GAK: variants seen among roughly 807,000 people sequenced by gnomAD.
The protein encoded by GAK is cyclin G associated kinase.
Under a neutral mutation model 143.9 loss-of-function variants are expected in GAK, and 79 were observed. The ratio of observed to expected loss-of-function variants is 0.55; its 90% CI spans 0.46 to 0.66. The LOEUF (loss-of-function observed/expected upper bound fraction) is 0.66, where lower values mean the gene tolerates loss of function less well. Ranked by LOEUF, GAK falls within the 30% of genes least tolerant of loss-of-function variation. GAK has a pLI of 0.00. For missense variants in GAK, 1,693 were observed against 1,779.7 expected (o/e 0.95, Z 0.88); for synonymous variants, 881 against 765.5 (o/e 1.15, Z -2.49).
Position 867,225 on chromosome 4 carries a change from G to A in GAK, c.2603C>T (p.Pro868Leu), listed in dbSNP as rs769143099. 6.1e-5 allele frequency: 99 copies of A among 1,612,554 alleles called. No homozygotes were observed. The highest frequency in any genetic ancestry group is 5.4e-4 in the South Asian group (49 of 90,872). ...QQDLVFEVET[P>L]AVLPEPVPQE... The stretch of plus-strand genomic sequence containing the variant: ...TGGCACAGGCTCTGGCAGCACAGCC[G>A]GTGTCTCCACCTCAAAAACCAAGTC... The change falls in exon 21 of 28, where the codon CCG becomes CTG. Residue 868 changes from proline to leucine, a missense_variant. Around this residue, in one of 2 missense-constraint regions of GAK, gnomAD observed 822 missense variants for 788.7 expected, o/e 1.04. Coordinates refer to ENST00000314167, the MANE Select transcript of GAK (RefSeq NM_005255.4).
At chr4:856,501 A>G (rs1381360868) in intron 24 of GAK, among the ~76,000 whole-genome samples, 1 of 106,456 alleles carries the variant, frequency 9.4e-6, no homozygotes, top group Non-Finnish European at 1.9e-5. Flanking sequence ...ACACCTACTC[A>G]CCACCACAGC....
At chr4:850,199 C>G in intron 26 of GAK, 131 bp from the exon 27 acceptor site, 1 of 821,360 alleles carries the variant, frequency 1.2e-6, no homozygotes, top group Non-Finnish European at 1.9e-6. Flanking sequence ...CTCACAGACA[C>G]TGTCCCACTG....
At chr4:890,946 ATTTTT>A (rs35262185) in intron 9 of GAK, among the ~76,000 whole-genome samples, 1 of 131,996 alleles carries the variant, frequency 7.6e-6, no homozygotes, top group Admixed American at 7.6e-5. Context: ...TCCAACCAAC[ATTTTT>A]TTTTTTTTTT....
intron 11 of GAK, among the ~76,000 whole-genome samples, chr4:885,096 G>A (rs1392643697): frequency 4.0e-5 from 6 of 151,362 alleles, no homozygotes; most frequent in South Asian, 2.1e-4. Context: ...TCTTCCGTGC[G>A]TTCAAACGTT....
At position 868,667 on chromosome 4, in the gene GAK, C is replaced by T. The variant is rs770767013; in HGVS notation, c.2267G>A (p.Arg756Gln). The change falls in exon 20 of 28, where the codon CGG (arginine) becomes CAG (glutamine). Residue 756 changes from arginine to glutamine, a missense_variant. Around this residue, in one of 2 missense-constraint regions of GAK, gnomAD observed 822 missense variants for 788.7 expected, o/e 1.04. Coordinates refer to ENST00000314167, the MANE Select transcript of GAK (RefSeq NM_005255.4). ...ATACTGAGCCGTGGAGCCAGGCTGC[C>T]GGGGAAGCTCCGGCTTCCCTGCAGG... ...LSKFGKPELP[R>Q]QPGSTAQYDA... is the part of the protein sequence containing the mutation. 3.2e-6 allele frequency: 5 copies of T among 1,553,116 alleles called. No homozygotes were observed. Among genetic ancestry groups the T allele is most frequent in the South Asian group, 2.4e-5 (2 of 84,326 alleles).
At position 890,678 on chromosome 4, in the gene GAK, C is replaced by G. The variant is rs537497476; in HGVS notation, c.991-56G>C. The stretch of plus-strand genomic sequence containing the variant: ...TCTAAACTGACAACTCACGCCTGCC[C>G]ACGTCGGGCAGAGGTACGGTATGGG... On this transcript the variant is annotated intron_variant, in intron 9 of 27. Transcript: ENST00000314167. 22 of 1,462,636 alleles carry G rather than the reference C, an allele frequency of 1.5e-5. No individual in the cohort carries two copies. In the South Asian group the frequency reaches 2.5e-4, roughly 17 times the overall value. The allele number at this position is 1,462,636 out of a possible 1,614,324, so 90.6% of individuals were successfully genotyped here.
chr4:859,408 C>G (rs73062402), intron 24 of GAK, 198 bp downstream of exon 24: 3 of 1,528,814 alleles, frequency 2.0e-6, no homozygotes, highest in East Asian at 2.5e-5. Flanking sequence ...CAGCAACTCC[C>G]GGTTTTAGCT....
chr4:914,621 C>G (rs1397364782), intron 1 of GAK, among the ~76,000 whole-genome samples: 1 of 122,210 alleles, frequency 8.2e-6, no homozygotes, highest in African/African-American at 3.2e-5. Context: ...GCGTACACGG[C>G]CCCCCGCACT....
At chr4:865,595 T>C (rs1036865540) in intron 22 of GAK, among the ~76,000 whole-genome samples, 1 of 152,174 alleles carries the variant, frequency 6.6e-6, no homozygotes, top group Non-Finnish European at 1.5e-5. Context: ...GAGCCCGAGG[T>C]GGCTCCACCT....
At position 880,835 on chromosome 4, in the gene GAK, G is replaced by A. The variant is rs572952386; in HGVS notation, c.1661+1072C>T. 1.5e-4 allele frequency among the ~76,000 whole-genome samples: 23 copies of A among 152,294 alleles called. No homozygotes were observed. In the South Asian group the frequency reaches 4.1e-3, roughly 27 times the overall value. On this transcript the variant is annotated intron_variant, in intron 15 of 27. Coordinates refer to ENST00000314167, the MANE Select transcript of GAK (RefSeq NM_005255.4). ...CTCCAAGGAAGGAGCTGTGGGATTT[G>A]GGGGTCATGGAAGCCCAGCCACATG...
At chr4:855,039 A>G (rs1178856192) in intron 24 of GAK, among the ~76,000 whole-genome samples, 1 of 152,158 alleles carries the variant, frequency 6.6e-6, no homozygotes, top group African/African-American at 2.4e-5. Flanking sequence ...GCGAGGCTCC[A>G]TCTCAAAAAA....
At chr4:866,644 G>C (rs1751236552) in intron 21 of GAK, 110 bp from the exon 22 acceptor site, 1 of 1,236,786 alleles carries the variant, frequency 8.1e-7, no homozygotes, top group South Asian at 1.5e-5. Flanking sequence ...GGGCAGCCCA[G>C]ACCCCACGGC....
In GAK at chr4:912,020, C is replaced by CCA. The variant is rs553848965; in HGVS notation, c.268-235_268-234dup. Reference sequence around the variant, plus strand: ...GCGGGGACAAAGGCAGGCACACCGGCCACACACACCTGACCACAGCGACAC... The same window carrying CCA: ...GCGGGGACAAAGGCAGGCACACCGGCCACACACACACCTGACCACAGCGACAC... On this transcript the variant is annotated intron_variant, in intron 3 of 27. Transcript: ENST00000314167. The CCA allele has an allele frequency of 1.1e-3, 533 of 501,762 alleles. 3 individuals are homozygous for CCA. Among genetic ancestry groups the CCA allele is most frequent in the African/African-American group, 9.5e-3 (493 of 52,028 alleles). 31.1% of individuals were successfully genotyped at this position (501,762 alleles called of 1,614,324 possible). A position where few individuals can be genotyped will look rare whatever the true frequency, so the allele number is the denominator to read the frequency against.
At chr4:905,226 C>T (rs1170924179) in intron 4 of GAK, among the ~76,000 whole-genome samples, 4 of 152,176 alleles carry the variant, frequency 2.6e-5, no homozygotes, top group Non-Finnish European at 2.9e-5. Context: ...ACCCCCACAC[C>T]GTGGAGTGTA....
chr4:858,124 C>T (rs1405270877), intron 24 of GAK, among the ~76,000 whole-genome samples: 1 of 152,250 alleles, frequency 6.6e-6, no homozygotes, highest in African/African-American at 2.4e-5. Context: ...GTGGAGGAGG[C>T]TCCCACGGTG....
At chr4:897,651 C>G (rs1033588323) in intron 6 of GAK, among the ~76,000 whole-genome samples, 2 of 152,152 alleles carry the variant, frequency 1.3e-5, no homozygotes, top group Non-Finnish European at 2.9e-5. Context: ...TTCAACTGCT[C>G]TAAAAAATAA....
rs1715359757 is a variant in GAK at position 882,565 on chromosome 4, AG to A, written c.1527+131del. 8.5e-6 allele frequency: 10 copies of A among 1,170,322 alleles called. No individual in the cohort carries two copies. In the South Asian group the frequency reaches 1.4e-4, roughly 16 times the overall value. The allele number at this position is 1,170,322 out of a possible 1,614,324, so 72.5% of individuals were successfully genotyped here. On this transcript the variant is annotated intron_variant, in intron 14 of 27. Coordinates refer to ENST00000314167, the MANE Select transcript of GAK (RefSeq NM_005255.4). ...CTCCAGACCCAAAGACACCAAGCAC[AG>A]GGACTTTCTTCCGTGTCCCAGGGTG... is the stretch of plus-strand genomic sequence containing the variant.
At chr4:893,572 C>T in intron 8 of GAK, 83 bp from the exon 9 acceptor site, 1 of 963,620 alleles carries the variant, frequency 1.0e-6, no homozygotes, top group Non-Finnish European at 1.5e-6. Flanking sequence ...TCACAGACCA[C>T]CAGAGGCCAC....
At chr4:885,190 G>A (rs1716051409) in intron 11 of GAK, among the ~76,000 whole-genome samples, 1 of 152,196 alleles carries the variant, frequency 6.6e-6, no homozygotes, top group Admixed American at 6.5e-5. Flanking sequence ...GGGAGGCACG[G>A]TGAGCCTGAC....
Sources: allele counts gnomAD v4.1 joint callset (sites outside exome capture counted in the v4.1 genomes callset), GRCh38; gene constraint gnomAD v4.1.1; regional missense constraint gnomAD v4.1.1; transcripts MANE v1.5; gene names NCBI Gene and HGNC (gene_info 2026-07-23, HGNC 2026-07-21).